CRIM1: variants seen among roughly 807,000 people sequenced by gnomAD.
The protein encoded by CRIM1 is cysteine rich transmembrane BMP regulator 1, also known as cysteine-rich motor neuron 1 protein.
CRIM1 carries 32 observed loss-of-function variants against 116.4 expected under a neutral mutation model. The observed-to-expected ratio is 0.27, with a 90% CI of 0.21 to 0.37. The LOEUF is 0.37. CRIM1 is among the 10% of genes least tolerant of loss of function. CRIM1 has a pLI of 1.00. For synonymous variants in CRIM1, 590 were observed against 509.2 expected (o/e 1.16, Z -2.13); for missense variants, 1,331 against 1,354.8 (o/e 0.98, Z 0.28).
intron 12 of CRIM1, among the ~76,000 whole-genome samples, chr2:36,520,697 C>T (rs1665329350): frequency 6.6e-6 from 1 of 152,188 alleles, no homozygotes; most frequent in Non-Finnish European, 1.5e-5. Flanking sequence ...TGCTGGCTTT[C>T]CTGTCCCTCA....
chr2:36,391,495 A>G lies in CRIM1; in HGVS notation c.332-5119A>G, dbSNP rs143872786. Among the ~76,000 whole-genome samples the G allele has an allele frequency of 2.1e-3, 323 of 152,260 alleles. 1 individual carries two copies. The highest frequency in any genetic ancestry group is 7.3e-3 in the African/African-American group (304 of 41,550). On this transcript the variant is annotated intron_variant, in intron 1 of 16. Transcript: ENST00000280527. ...ACATGAGAACCAGCAGAACCGCTGT[A>G]TTATACTGACACCATTTTCCTATTT...
chr2:36,372,351 A>G (rs1045847933), intron 1 of CRIM1, among the ~76,000 whole-genome samples: 4 of 152,292 alleles, frequency 2.6e-5, no homozygotes, highest in Admixed American at 2.6e-4. Context: ...CTTGTTATTT[A>G]GTAATTCCAC....
At chr2:36,534,355 GGAAA>G (rs1296282208) in intron 13 of CRIM1, among the ~76,000 whole-genome samples, 1 of 127,928 alleles carries the variant, frequency 7.8e-6, no homozygotes, top group Non-Finnish European at 1.7e-5. Flanking sequence ...GAGGAGGGAA[GGAAA>G]GAGGGAGGGA....
intron 13 of CRIM1, among the ~76,000 whole-genome samples, chr2:36,530,835 G>C (rs1190067540): frequency 6.6e-6 from 1 of 152,156 alleles, no homozygotes; most frequent in Non-Finnish European, 1.5e-5. Flanking sequence ...AGGACCAGCT[G>C]TCTGCGCGTC....
intron 2 of CRIM1, among the ~76,000 whole-genome samples, chr2:36,433,730 C>G (rs1204584481): frequency 6.6e-6 from 1 of 152,106 alleles, no homozygotes; most frequent in Admixed American, 6.6e-5. Flanking sequence ...TTGAGAACCA[C>G]TGAATTAAGA....
chr2:36,483,298 T>TA (rs1349625233), intron 7 of CRIM1, among the ~76,000 whole-genome samples: 2 of 152,116 alleles, frequency 1.3e-5, no homozygotes, highest in Admixed American at 1.3e-4. Flanking sequence ...CCTTAAAAAC[T>TA]AAAAACAAAA....
At chr2:36,446,607 G>A (rs1676260372) in intron 4 of CRIM1, among the ~76,000 whole-genome samples, 1 of 152,132 alleles carries the variant, frequency 6.6e-6, no homozygotes, top group Non-Finnish European at 1.5e-5. Flanking sequence ...TGTGTGTGAT[G>A]TAATTAATTT....
chr2:36,547,725 C>T (rs889794043), intron 16 of CRIM1, among the ~76,000 whole-genome samples: 4 of 152,104 alleles, frequency 2.6e-5, no homozygotes, highest in African/African-American at 9.7e-5. Flanking sequence ...AGGCAGATTT[C>T]ACACTAAGGG....
At chr2:36,423,995 G>C (rs912609677) in intron 2 of CRIM1, among the ~76,000 whole-genome samples, 1 of 152,006 alleles carries the variant, frequency 6.6e-6, no homozygotes, top group Admixed American at 6.6e-5. Flanking sequence ...GAAAGAAATA[G>C]AGAAAAAAAG....
intron 7 of CRIM1, among the ~76,000 whole-genome samples, chr2:36,482,635 G>A (rs1287477182): frequency 6.6e-6 from 1 of 152,220 alleles, no homozygotes; most frequent in African/African-American, 2.4e-5. Context: ...GAAATAGTTA[G>A]AGGAAAACCA....
intron 7 of CRIM1, among the ~76,000 whole-genome samples, chr2:36,492,944 A>T (rs1041692193): frequency 1.3e-5 from 2 of 152,212 alleles, no homozygotes; most frequent in Non-Finnish European, 2.9e-5. Context: ...TTTGTCTCTC[A>T]TAATCAAATA....
At chr2:36,481,205 TCCTTTTGCACCCA>T (rs1350993059) in intron 7 of CRIM1, among the ~76,000 whole-genome samples, 2 of 152,234 alleles carry the variant, frequency 1.3e-5, no homozygotes, top group Non-Finnish European at 2.9e-5. Flanking sequence ...GGAAGGCTGA[TCCTTTTGCACCCA>T]CCTTTTGCAT....
At chr2:36,428,466 A>C (rs567437224) in intron 2 of CRIM1, among the ~76,000 whole-genome samples, 2 of 152,356 alleles carry the variant, frequency 1.3e-5, no homozygotes, top group African/African-American at 2.4e-5. Context: ...AGATTGATTT[A>C]TTGAAAATTC....
intron 2 of CRIM1, among the ~76,000 whole-genome samples, chr2:36,425,243 G>A (rs1523788): frequency 0.16 from 25,044 of 152,152 alleles, 2,630 homozygotes; most frequent in East Asian, 0.55. Context: ...AGTAATATAA[G>A]GATAATGTGG....
intron 12 of CRIM1, among the ~76,000 whole-genome samples, chr2:36,519,079 TA>T (rs1292844454): frequency 2.0e-5 from 3 of 148,774 alleles, no homozygotes; most frequent in East Asian, 3.9e-4. Flanking sequence ...AAGCAGCAAA[TA>T]CCCCTGGTGC....
rs192026347 is a variant in CRIM1 at position 36,548,672 on chromosome 2, C to G, written c.3082C>G (p.Gln1028Glu). The change falls in exon 17 of 17, where the codon CAG becomes GAG. Residue 1028 changes from glutamine to glutamate, a missense_variant. Gln to Glu is a conservative substitution (Grantham distance 29). Coordinates refer to ENST00000280527, the MANE Select transcript of CRIM1 (RefSeq NM_016441.3). ...FYSMQKQNHLQADNFYQTV is the reference protein window; with the variant it reads ...FYSMQKQNHLEADNFYQTV ...CAGCATGCAAAAACAGAACCATCTA[C>G]AGGCAGACAATTTCTACCAAACAGT... The G allele has an allele frequency of 6.3e-7, 1 of 1,598,988 alleles. No homozygotes were observed. The highest frequency in any genetic ancestry group is 2.2e-5 in the East Asian group (1 of 44,736).
At chr2:36,395,010 CTTTT>C (rs772105466) in intron 1 of CRIM1, among the ~76,000 whole-genome samples, 6 of 113,442 alleles carry the variant, frequency 5.3e-5, no homozygotes, top group Non-Finnish European at 9.1e-5. Context: ...TTTGTACTGT[CTTTT>C]TTTTTTTTTT....
Position 36,449,983 on chromosome 2 carries a change from A to G in CRIM1, c.869+7248A>G, listed in dbSNP as rs531546300. Among the ~76,000 whole-genome samples the G allele has an allele frequency of 1.2e-4, 19 of 152,278 alleles. No individual in the cohort carries two copies. The South Asian group carries it at 3.1e-3, about 25-fold the overall frequency. ...GTTGGATTGTGAAAGCTGAGTAACA[A>G]TTCAGTAAAATAGATTACGTATTTG... On this transcript the variant is annotated intron_variant, in intron 4 of 16. Coordinates refer to ENST00000280527, the MANE Select transcript of CRIM1 (RefSeq NM_016441.3).
chr2:36,404,142 G>C (rs1672614758), intron 2 of CRIM1, among the ~76,000 whole-genome samples: 1 of 152,146 alleles, frequency 6.6e-6, no homozygotes, highest in African/African-American at 2.4e-5. Flanking sequence ...TCCTCTGTTA[G>C]CATGGTAGAA....
Sources: gnomAD v4.1 joint callset for allele counts (sites outside exome capture counted in the v4.1 genomes callset) on GRCh38, gnomAD v4.1.1 for gene constraint, MANE v1.5 for transcripts, NCBI Gene and HGNC (gene_info 2026-07-23, HGNC 2026-07-21) for gene names.